Variants in MAF observed in about 807,000 individuals in gnomAD.
The protein encoded by MAF is MAF bZIP transcription factor.
Under a neutral mutation model 22.0 loss-of-function variants are expected in MAF, and 10 were observed. The observed-to-expected ratio is 0.45, with a 90% CI of 0.28 to 0.77. MAF has a LOEUF of 0.77. MAF is among the 30% of genes least tolerant of loss of function. MAF has a pLI of 0.12. For synonymous variants in MAF, 337 were observed against 255.8 expected (o/e 1.32, Z -3.03); for missense variants, 544 against 548.4 (o/e 0.99, Z 0.08).
chr16:79,454,322 A>G, the MAF span, among the ~76,000 whole-genome samples: 1 of 152,186 alleles, frequency 6.6e-6, no homozygotes, highest in Non-Finnish European at 1.5e-5. Context: ...GTGAAAGGAC[A>G]GTGAAGAGAG....
chr16:79,376,563 C>T, the MAF span, among the ~76,000 whole-genome samples: 117 of 151,870 alleles, frequency 7.7e-4, no homozygotes, highest in African/African-American at 2.6e-3. Flanking sequence ...TTTTAGTGTA[C>T]ATGTGCACGA....
At chr16:79,365,052 G>C in the MAF span, among the ~76,000 whole-genome samples, 2 of 152,274 alleles carry the variant, frequency 1.3e-5, no homozygotes, top group African/African-American at 4.8e-5. Flanking sequence ...TTAGAACTTA[G>C]TTGATGGTTT....
the MAF span, among the ~76,000 whole-genome samples, chr16:79,303,376 T>C: frequency 2.0e-5 from 3 of 152,196 alleles, no homozygotes; most frequent in Admixed American, 6.5e-5. Context: ...GGGATTGCAG[T>C]GGGAAGTTAA....
chr16:79,474,454 G>T, the MAF span, among the ~76,000 whole-genome samples: 15 of 152,174 alleles, frequency 9.9e-5, no homozygotes, highest in African/African-American at 3.4e-4. Flanking sequence ...AGCCAGCAAG[G>T]GTGGATGTTA....
the MAF span, among the ~76,000 whole-genome samples, chr16:79,443,266 G>A: frequency 6.6e-6 from 1 of 152,110 alleles, no homozygotes; most frequent in Non-Finnish European, 1.5e-5. Context: ...TTCAGTGATG[G>A]TGGACTTCTT....
the MAF span, among the ~76,000 whole-genome samples, chr16:79,477,908 G>C: frequency 1.3e-5 from 2 of 151,696 alleles, no homozygotes; most frequent in African/African-American, 2.4e-5. Context: ...ATTTTTAGTA[G>C]AGACGGGGTT....
chr16:79,569,552 T>G, the MAF span, among the ~76,000 whole-genome samples: 1 of 152,150 alleles, frequency 6.6e-6, no homozygotes, highest in African/African-American at 2.4e-5. Context: ...ATTCTCAGGC[T>G]CTACACTCAG....
chr16:79,513,524 C>A, the MAF span, among the ~76,000 whole-genome samples: 1 of 152,194 alleles, frequency 6.6e-6, no homozygotes, highest in Non-Finnish European at 1.5e-5. Context: ...AAGGCAAATA[C>A]ATGGGAGGGA....
At chr16:79,530,638 G>C in the MAF span, among the ~76,000 whole-genome samples, 4 of 152,208 alleles carry the variant, frequency 2.6e-5, no homozygotes, top group Middle Eastern at 3.4e-3. Flanking sequence ...ATGTTAAGAA[G>C]AGTTTATCTA....
chr16:79,538,543 T>C, the MAF span, among the ~76,000 whole-genome samples: 58,806 of 151,950 alleles, frequency 0.39, 12,702 homozygotes, highest in East Asian at 0.54. Flanking sequence ...GACTACACTT[T>C]ATTTACAAAC....
chr16:79,204,635 G>A, the MAF span: 27,144 of 152,100 alleles, frequency 0.18, 2,571 homozygotes, highest in East Asian at 0.27. Flanking sequence ...ACAGTTTGTC[G>A]ACTTGGAAAC....
At chr16:79,366,137 C>G in the MAF span, among the ~76,000 whole-genome samples, 1 of 152,188 alleles carries the variant, frequency 6.6e-6, no homozygotes, top group Non-Finnish European at 1.5e-5. Flanking sequence ...GGTTAACCAG[C>G]TGTCATTCTC....
chr16:79,265,150 C>CATT, the MAF span, among the ~76,000 whole-genome samples: 315 of 152,156 alleles, frequency 2.1e-3, 2 homozygotes, highest in Middle Eastern at 0.014. Flanking sequence ...AAATGGAAGT[C>CATT]ATTATTATTA....
the MAF span, among the ~76,000 whole-genome samples, chr16:79,228,934 G>A: frequency 6.6e-6 from 1 of 151,874 alleles, no homozygotes; most frequent in Non-Finnish European, 1.5e-5. Flanking sequence ...ACCAGTCTGA[G>A]ACAGGGCACG....
chr16:79,492,895 AG>A, the MAF span, among the ~76,000 whole-genome samples: 1 of 152,144 alleles, frequency 6.6e-6, no homozygotes, highest in African/African-American at 2.4e-5. Context: ...AGGGCTATGA[AG>A]GGGGTCTGCA....
At chr16:79,538,937 ACT>A in the MAF span, among the ~76,000 whole-genome samples, 9 of 152,084 alleles carry the variant, frequency 5.9e-5, no homozygotes, top group African/African-American at 2.2e-4. Context: ...AAATACAAAC[ACT>A]CTTGAAAAAC....
the MAF span, among the ~76,000 whole-genome samples, chr16:79,492,978 A>G: frequency 6.8e-6 from 1 of 147,206 alleles, no homozygotes; most frequent in Admixed American, 6.8e-5. Context: ...TTTTTTTTGG[A>G]GGTAGAGACT....
At chr16:79,268,682 G>A in the MAF span, among the ~76,000 whole-genome samples, 2 of 152,302 alleles carry the variant, frequency 1.3e-5, no homozygotes, top group East Asian at 3.9e-4. Flanking sequence ...TAGGCTGAAA[G>A]AAATCAAACT....
chr16:79,269,776 C>T, the MAF span, among the ~76,000 whole-genome samples: 1 of 152,114 alleles, frequency 6.6e-6, no homozygotes. Flanking sequence ...GGGGTAGCAA[C>T]ACCAGAAAAG....
Sources: allele counts gnomAD v4.1 joint callset (sites outside exome capture counted in the v4.1 genomes callset), GRCh38; gene constraint gnomAD v4.1.1; transcripts MANE v1.5; gene names NCBI Gene and HGNC (gene_info 2026-07-23, HGNC 2026-07-21).